Variants in DNAJA1 observed in about 807,000 individuals in gnomAD.
DNAJA1 encodes the protein dnaJ homolog subfamily A member 1.
DNAJA1 carries 26 observed loss-of-function variants against 47.6 expected under a neutral mutation model. The observed-to-expected ratio is 0.55, with a 90% CI of 0.40 to 0.76. DNAJA1 has a LOEUF of 0.76. Among genes scored for constraint, DNAJA1 ranks in the 30% least tolerant of loss-of-function variants. The pLI, the probability that DNAJA1 is intolerant of heterozygous loss-of-function variation, is 0.00. For synonymous variants in DNAJA1, 165 were observed against 158.4 expected (o/e 1.04, Z -0.31); for missense variants, 315 against 485.0 (o/e 0.65, Z 3.29).
intron 5 of DNAJA1, among the ~76,000 whole-genome samples, chr9:33,033,165 T>TAA (rs781752458): frequency 3.0e-4 from 42 of 137,870 alleles, no homozygotes; most frequent in African/African-American, 8.2e-4. Context: ...AGTCTCAGTT[T>TAA]AAAAAAAAAA....
At chr9:33,032,706 T>TA (rs1257981518) in intron 5 of DNAJA1, among the ~76,000 whole-genome samples, 2 of 152,234 alleles carry the variant, frequency 1.3e-5, no homozygotes, top group Non-Finnish European at 2.9e-5. Flanking sequence ...TTTGCCTCAA[T>TA]ACACGATTAA....
At chr9:33,034,177 A>G (rs957061390) in intron 5 of DNAJA1, 39 bp from the exon 6 acceptor site, 2 of 1,372,434 alleles carry the variant, frequency 1.5e-6, no homozygotes, top group Non-Finnish European at 2.0e-6. Flanking sequence ...CCTTAGTTGG[A>G]TATTTAATAA....
At chr9:33,029,218 T>A (rs1454315578) in intron 3 of DNAJA1, among the ~76,000 whole-genome samples, 1 of 152,242 alleles carries the variant, frequency 6.6e-6, no homozygotes, top group Non-Finnish European at 1.5e-5. Flanking sequence ...ATGTGATTGG[T>A]GGCTGCTACG....
chr9:33,037,685 AAAAG>A (rs1415047431), intron 8 of DNAJA1, among the ~76,000 whole-genome samples: 3 of 152,238 alleles, frequency 2.0e-5, no homozygotes, highest in Non-Finnish European at 4.4e-5. Flanking sequence ...CTGTCTCAAA[AAAAG>A]AAAAAAGAAA....
intron 5 of DNAJA1, among the ~76,000 whole-genome samples, chr9:33,033,445 A>G (rs1317830114): frequency 6.6e-6 from 1 of 152,062 alleles, no homozygotes; most frequent in Non-Finnish European, 1.5e-5. Context: ...TCAGGTCTGT[A>G]ATCCGAACAC....
chr9:33,031,949 G>A (rs1263844716), intron 5 of DNAJA1, among the ~76,000 whole-genome samples: 1 of 151,694 alleles, frequency 6.6e-6, no homozygotes, highest in African/African-American at 2.4e-5. Flanking sequence ...TTTTACTCTT[G>A]TCAACTTGCA....
chr9:33,036,719 C>T (rs10813926), intron 7 of DNAJA1, 30 bp downstream of exon 7: 2 of 1,489,060 alleles, frequency 1.3e-6, no homozygotes, highest in Non-Finnish European at 1.9e-6. Context: ...TTAAACTTCT[C>T]TTTTCTATTC....
At position 33,038,564 on chromosome 9, in the gene DNAJA1, GAT is replaced by G. The variant is rs1188135868; in HGVS notation, c.976-120_976-119del. On this transcript the variant is annotated intron_variant, in intron 8 of 8. Transcript: ENST00000330899. ...CTTTTTAGAGCCTGTTCTAACCTGA[GAT>G]TGGCAGATTCACCTAAATATTACGT... 1.6e-5 allele frequency: 14 copies of G among 856,456 alleles called. No homozygotes were observed. In the African/African-American group the frequency reaches 1.7e-4, roughly 10 times the overall value. The allele number at this position is 856,456 out of a possible 1,614,324, so 53.1% of individuals were successfully genotyped here.
At chr9:33,034,091 T>C (rs1839000514) in intron 5 of DNAJA1, 125 bp from the exon 6 acceptor site, 1 of 630,926 alleles carries the variant, frequency 1.6e-6, no homozygotes, top group Non-Finnish European at 2.6e-6. Flanking sequence ...ACTGAACTAC[T>C]TAAGTGGGCT....
rs1838873818 is a variant in DNAJA1, at chr9:33,026,795, T to C, written c.133-18T>C. The stretch of plus-strand genomic sequence containing the variant: ...TTGTTTTTTAAAAAATGAAATTCAC[T>C]CCTCTTTTCTCAAACAGTTTAAACA... On this transcript the variant is annotated intron_variant, in intron 2 of 8. Transcript: ENST00000330899. The C allele has an allele frequency of 2.5e-6, 4 of 1,603,468 alleles. No homozygotes were observed. The highest frequency in any genetic ancestry group is 3.3e-4 in the Middle Eastern group (2 of 5,990).
At chr9:33,036,319 TTCAC>T (rs1839032537) in intron 6 of DNAJA1, 1 of 222,310 alleles carries the variant, frequency 4.5e-6, no homozygotes, top group East Asian at 9.4e-5. Context: ...AATGAAACAG[TTCAC>T]TGATGGTAAA....
Position 33,039,038 on chromosome 9 carries a change from A to G in DNAJA1, c.*135A>G. ...CTATAGTAGTGTTTTAAAAAGTTAA[A>G]TGAAGAATAAACGCAAATATAAAAG... On this transcript the variant is annotated 3_prime_UTR_variant, in exon 9 of 9. Transcript: ENST00000330899. The G allele has an allele frequency of 1.2e-6, 1 of 864,202 alleles. No individual in the cohort carries two copies. Among genetic ancestry groups the G allele is most frequent in the Non-Finnish European group, 1.7e-6 (1 of 572,766 alleles). The allele number at this position is 864,202 out of a possible 1,614,324, so 53.5% of individuals were successfully genotyped here. A position where few individuals can be genotyped will look rare whatever the true frequency, so the allele number is the denominator to read the frequency against.
chr9:33,039,446 T>A lies in DNAJA1; in HGVS notation c.*543T>A, dbSNP rs1195562099. ...TATCCTGTGGTATCAGTGATAAAAA[T>A]GATACCTTTCTGTAGGAGGGGTTTA... On this transcript the variant is annotated 3_prime_UTR_variant, in exon 9 of 9. Transcript: ENST00000330899. 3 of 151,670 alleles carry A rather than the reference T, an allele frequency of 2.0e-5. No homozygotes were observed. In the East Asian group the frequency reaches 5.8e-4, roughly 29 times the overall value. 9.4% of individuals were successfully genotyped at this position (151,670 alleles called of 1,614,324 possible).
rs367858309 is a variant in DNAJA1 at position 33,038,787 on chromosome 9, C to A, written c.1078C>A (p.Gln360Lys). The A allele has an allele frequency of 6.2e-7, 1 of 1,613,946 alleles. No individual in the cohort carries two copies. The highest frequency in any genetic ancestry group is 1.3e-5 in the African/African-American group (1 of 74,892). The change falls in exon 9 of 9, where the codon CAA becomes AAA. Residue 360 changes from glutamine to lysine, a missense_variant. Gln to Lys is a moderately conservative substitution (Grantham distance 53). Around this residue, in one of 4 missense-constraint regions of DNAJA1, gnomAD observed 162 missense variants for 185.4 expected, o/e 0.87. Transcript: ENST00000330899. The stretch of plus-strand genomic sequence containing the variant: ...AGTGGAAGAGACTGATGAGATGGAC[C>A]AAGTAGAACTGGTGGACTTTGATCC... Reference protein sequence around the residue: ...KEVEETDEMDQVELVDFDPNQ... With the variant: ...KEVEETDEMDKVELVDFDPNQ...
chr9:33,038,974 A>C lies in DNAJA1; in HGVS notation c.*71A>C. ...TGAATGAGTGAAGGACTGTAATCAT[A>C]ATATGCTCACTACTTGCTCTTGTTT... On this transcript the variant is annotated 3_prime_UTR_variant, in exon 9 of 9. Transcript: ENST00000330899. The C allele has an allele frequency of 1.5e-6, 2 of 1,349,006 alleles. No individual in the cohort carries two copies. The highest frequency in any genetic ancestry group is 2.1e-6 in the Non-Finnish European group (2 of 968,330). 83.6% of individuals were successfully genotyped at this position (1,349,006 alleles called of 1,614,324 possible). A position where few individuals can be genotyped will look rare whatever the true frequency, so the allele number is the denominator to read the frequency against.
At chr9:33,030,357 C>T in intron 4 of DNAJA1, 83 bp from the exon 5 acceptor site, 1 of 1,300,360 alleles carries the variant, frequency 7.7e-7, no homozygotes. Flanking sequence ...AAAAGTATAG[C>T]ATTTAGGAAT....
chr9:33,029,663 A>G (rs1046244513), intron 3 of DNAJA1, among the ~76,000 whole-genome samples: 2 of 152,236 alleles, frequency 1.3e-5, no homozygotes, highest in African/African-American at 2.4e-5. Context: ...CCCTTAAGCA[A>G]ATATTTAATC....
intron 6 of DNAJA1, chr9:33,036,350 G>C (rs1839033042): frequency 3.1e-6 from 1 of 319,196 alleles, no homozygotes; most frequent in African/African-American, 2.2e-5. Flanking sequence ...AGGCTGCCTA[G>C]AGTGTGTGGA....
At chr9:33,035,788 T>A (rs1357173176) in intron 6 of DNAJA1, among the ~76,000 whole-genome samples, 1 of 151,958 alleles carries the variant, frequency 6.6e-6, no homozygotes, top group Non-Finnish European at 1.5e-5. Context: ...TTTATTAATG[T>A]GGGTTGGAAA....
Sources: allele counts gnomAD v4.1 joint callset (sites outside exome capture counted in the v4.1 genomes callset), GRCh38; gene constraint gnomAD v4.1.1; regional missense constraint gnomAD v4.1.1; transcripts MANE v1.5; gene names NCBI Gene and HGNC (gene_info 2026-07-23, HGNC 2026-07-21).